Variants in HIBADH observed in about 807,000 individuals in gnomAD.
The protein encoded by HIBADH is 3-hydroxyisobutyrate dehydrogenase, mitochondrial.
Under a neutral mutation model 36.1 loss-of-function variants are expected in HIBADH, and 25 were observed. That is an observed-to-expected ratio of 0.69 (90% confidence interval 0.50 to 0.97). HIBADH has a LOEUF of 0.97. Among genes scored for constraint, HIBADH ranks in the 50% least tolerant of loss-of-function variants. The pLI is 0.00. For synonymous variants in HIBADH, 160 were observed against 149.5 expected (o/e 1.07, Z -0.51); for missense variants, 421 against 418.0 (o/e 1.01, Z -0.06).
intron 4 of HIBADH, among the ~76,000 whole-genome samples, chr7:27,551,315 G>A (rs900604584): frequency 2.0e-5 from 3 of 151,950 alleles, no homozygotes; most frequent in Non-Finnish European, 4.4e-5. Context: ...CACACCTCTT[G>A]GACAAGTTAT....
intron 4 of HIBADH, among the ~76,000 whole-genome samples, chr7:27,609,004 G>A (rs1219557167): frequency 6.6e-6 from 1 of 152,200 alleles, no homozygotes; most frequent in South Asian, 2.1e-4. Flanking sequence ...GGAAATTACA[G>A]TGCAATTAAA....
At chr7:27,537,962 T>C (rs1217215982) in intron 6 of HIBADH, among the ~76,000 whole-genome samples, 1 of 152,192 alleles carries the variant, frequency 6.6e-6, no homozygotes, top group Non-Finnish European at 1.5e-5. Flanking sequence ...TTGAATTCAC[T>C]ACACACTAAA....
intron 2 of HIBADH, among the ~76,000 whole-genome samples, chr7:27,638,308 C>CAAAAAAAAAAAAAAAAAAA (rs368715218): frequency 4.7e-4 from 26 of 55,462 alleles, no homozygotes; most frequent in African/African-American, 1.2e-3. Flanking sequence ...TTGGCAAAGT[C>CAAAAAAAAAAAAAAAAAAA]AAAAAAAAAA....
rs145837575 is a variant in HIBADH at position 27,628,591 on chromosome 7, T to C, written c.484+780A>G. On this transcript the variant is annotated intron_variant, in intron 4 of 7. Coordinates refer to ENST00000265395, the MANE Select transcript of HIBADH (RefSeq NM_152740.4). ...TTAATAGTAAATTTTTAGCATTTCA[T>C]TAGTGGGTCTTTTCTTCTAATTGAG... Among the ~76,000 whole-genome samples the C allele has an allele frequency of 4.4e-3, 663 of 152,192 alleles. 3 individuals are homozygous for C. The highest frequency in any genetic ancestry group is 0.015 in the African/African-American group (633 of 41,580).
chr7:27,559,717 AG>A (rs1784438898), intron 4 of HIBADH, among the ~76,000 whole-genome samples: 1 of 152,314 alleles, frequency 6.6e-6, no homozygotes, highest in South Asian at 2.1e-4. Flanking sequence ...GGAATATGAC[AG>A]GATTTTCTAT....
intron 4 of HIBADH, among the ~76,000 whole-genome samples, chr7:27,609,643 G>A (rs1785290835): frequency 6.6e-6 from 1 of 152,042 alleles, no homozygotes. Context: ...TTAATTATAA[G>A]AGTTACTAAA....
intron 1 of HIBADH, among the ~76,000 whole-genome samples, chr7:27,652,624 T>C (rs897050213): frequency 6.6e-6 from 1 of 152,202 alleles, no homozygotes; most frequent in Non-Finnish European, 1.5e-5. Flanking sequence ...AAGTCCAACA[T>C]GAAGGTGACA....
intron 4 of HIBADH, among the ~76,000 whole-genome samples, chr7:27,566,508 G>C (rs373227187): frequency 7.9e-5 from 12 of 151,894 alleles, no homozygotes; most frequent in African/African-American, 2.9e-4. Flanking sequence ...TAGCAGCCTT[G>C]GGTTTTATTG....
intron 1 of HIBADH, among the ~76,000 whole-genome samples, chr7:27,657,614 T>C (rs571625065): frequency 1.6e-4 from 24 of 152,178 alleles, no homozygotes; most frequent in African/African-American, 5.3e-4. Flanking sequence ...TGAATGAAGA[T>C]AAAGTTTTCA....
At chr7:27,533,470 T>G (rs2128183199) in intron 6 of HIBADH, among the ~76,000 whole-genome samples, 1 of 151,960 alleles carries the variant, frequency 6.6e-6, no homozygotes, top group Non-Finnish European at 1.5e-5. Context: ...TCCACTTCCC[T>G]CCCCCTGCCC....
Position 27,538,393 on chromosome 7 carries a change from G to C in HIBADH, c.643C>G (p.Leu215Val), listed in dbSNP as rs763693719. 1 of 1,613,020 alleles carries C rather than the reference G, an allele frequency of 6.2e-7. No individual in the cohort carries two copies. The highest frequency in any genetic ancestry group is 8.5e-7 in the Non-Finnish European group (1 of 1,179,424). The change falls in exon 6 of 8, where the codon CTG becomes GTG. Residue 215 changes from leucine (L) to valine (V), a missense_variant. Physicochemically the swap from Leu to Val is conservative, Grantham distance 32. Transcript: ENST00000265395. ...GTTCCAATCATACTAATAGCTAACA[G>C]CATGTTGTTGCAGATCTTTGCCGCC... ...GQAAKICNNM[L>V]LAISMIGTAE... is the part of the protein sequence containing the mutation.
chr7:27,644,314 A>C (rs567197452), intron 2 of HIBADH, among the ~76,000 whole-genome samples: 2 of 151,860 alleles, frequency 1.3e-5, no homozygotes, highest in Non-Finnish European at 2.9e-5. Flanking sequence ...AAATACAAAA[A>C]ATTGGCCGGG....
At chr7:27,658,454 T>C (rs1786348369) in intron 1 of HIBADH, among the ~76,000 whole-genome samples, 1 of 152,200 alleles carries the variant, frequency 6.6e-6, no homozygotes, top group Admixed American at 6.5e-5. Flanking sequence ...ATTTACCGAT[T>C]ATGACCTCTT....
At chr7:27,619,298 C>T (rs1266150362) in intron 4 of HIBADH, among the ~76,000 whole-genome samples, 3 of 152,096 alleles carry the variant, frequency 2.0e-5, no homozygotes, top group Non-Finnish European at 4.4e-5. Flanking sequence ...CACAGATACA[C>T]CTTTAAGAAA....
At chr7:27,644,717 A>T (rs143838618) in intron 2 of HIBADH, among the ~76,000 whole-genome samples, 1 of 151,966 alleles carries the variant, frequency 6.6e-6, no homozygotes, top group African/African-American at 2.4e-5. Flanking sequence ...GTAGGCCAAG[A>T]TCGCACCACT....
At chr7:27,559,413 G>T (rs1168114275) in intron 4 of HIBADH, among the ~76,000 whole-genome samples, 1 of 152,078 alleles carries the variant, frequency 6.6e-6, no homozygotes, top group Non-Finnish European at 1.5e-5. Flanking sequence ...CTTGAGGCCA[G>T]GAGTTCGAGA....
Position 27,548,861 on chromosome 7 carries a change from C to T in HIBADH, c.485-5761G>A, listed in dbSNP as rs541015652. On this transcript the variant is annotated intron_variant, in intron 4 of 7. Transcript: ENST00000265395. ...CCCTTTCCTTTCATTTTTCAACCCT[C>T]GTCATTGAAAGAATAATGAATTCTC... 5.9e-5 allele frequency among the ~76,000 whole-genome samples: 9 copies of T among 152,150 alleles called. No individual in the cohort carries two copies. In the South Asian group the frequency reaches 1.7e-3, roughly 28 times the overall value.
intron 4 of HIBADH, among the ~76,000 whole-genome samples, chr7:27,566,126 CTT>C (rs1185555214): frequency 6.6e-6 from 1 of 151,902 alleles, no homozygotes; most frequent in East Asian, 1.9e-4. Context: ...CTGTACTAGT[CTT>C]ATAGTTTATC....
intron 4 of HIBADH, among the ~76,000 whole-genome samples, chr7:27,550,187 G>A (rs1321522591): frequency 6.6e-6 from 1 of 152,098 alleles, no homozygotes; most frequent in East Asian, 1.9e-4. Flanking sequence ...GGGATTACAG[G>A]CATGAGTCAC....
Sources: gnomAD v4.1 joint callset for allele counts (sites outside exome capture counted in the v4.1 genomes callset) on GRCh38, gnomAD v4.1.1 for gene constraint, MANE v1.5 for transcripts, NCBI Gene and HGNC (gene_info 2026-07-23, HGNC 2026-07-21) for gene names.